The following LRMDA variants were observed in gnomAD, a reference collection of about 807,000 sequenced individuals.
LRMDA encodes leucine rich melanocyte differentiation associated.
In LRMDA, 18 loss-of-function variants were observed where a neutral mutation model predicts 29.8. That is an observed-to-expected ratio of 0.60 (90% CI 0.42 to 0.90). LRMDA has a LOEUF of 0.90. LRMDA is among the 40% of genes least tolerant of loss of function. LRMDA has a pLI of 0.00. For synonymous variants in LRMDA, 125 were observed against 109.4 expected (o/e 1.14, Z -0.89); for missense variants, 273 against 273.9 (o/e 1.00, Z 0.02).
intron 6 of LRMDA, among the ~76,000 whole-genome samples, chr10:76,389,023 A>G (rs1841692443): frequency 6.6e-6 from 1 of 152,182 alleles, no homozygotes; most frequent in Admixed American, 6.5e-5. Flanking sequence ...GACACAGGAC[A>G]GGGAGCAGGG....
rs566408440 is a variant in LRMDA at position 76,440,735 on chromosome 10, C to T, written c.601+116250C>T. ...GTACACGGTAAAGATGGATATTAGA[C>T]TGCTCAACTTATCATCATTAGTCCC... On this transcript the variant is annotated intron_variant, in intron 6 of 6. Transcript: ENST00000611255. Among the ~76,000 whole-genome samples, 38 of 152,246 alleles carry T rather than the reference C, an allele frequency of 2.5e-4. No individual in the cohort carries two copies. In the South Asian group the frequency reaches 7.7e-3, roughly 31 times the overall value.
chr10:76,138,856 G>A (rs894229314), intron 5 of LRMDA, among the ~76,000 whole-genome samples: 6 of 152,108 alleles, frequency 3.9e-5, no homozygotes, highest in African/African-American at 1.2e-4. Flanking sequence ...ATTTAGTGGC[G>A]AGGTGTTTAA....
intron 2 of LRMDA, among the ~76,000 whole-genome samples, chr10:75,672,824 A>C (rs998460600): frequency 1.3e-5 from 2 of 150,494 alleles, no homozygotes; most frequent in Non-Finnish European, 3.0e-5. Flanking sequence ...TGCCCACCTC[A>C]ATCTCTCAAA....
chr10:75,524,911 G>A (rs1845397220), intron 2 of LRMDA, among the ~76,000 whole-genome samples: 1 of 152,170 alleles, frequency 6.6e-6, no homozygotes. Flanking sequence ...TGAGTTTGGA[G>A]GTGCTTTAAA....
chr10:75,491,229 G>C (rs1844983241), intron 2 of LRMDA, among the ~76,000 whole-genome samples: 1 of 152,202 alleles, frequency 6.6e-6, no homozygotes, highest in Admixed American at 6.5e-5. Flanking sequence ...CCCACCAACT[G>C]TTTTAAGATG....
chr10:75,935,020 C>T (rs564167669), intron 2 of LRMDA, among the ~76,000 whole-genome samples: 1 of 152,194 alleles, frequency 6.6e-6, no homozygotes, highest in African/African-American at 2.4e-5. Context: ...TGCTCCTGGT[C>T]CCTGGTCCAG....
intron 3 of LRMDA, 57 bp downstream of exon 3, chr10:76,036,191 C>G: frequency 6.6e-7 from 1 of 1,505,412 alleles, no homozygotes; most frequent in Non-Finnish European, 9.0e-7. Context: ...AGTCGTCCCC[C>G]AACCCCACCC....
intron 2 of LRMDA, among the ~76,000 whole-genome samples, chr10:75,670,214 A>G: frequency 6.6e-6 from 1 of 152,348 alleles, no homozygotes; most frequent in East Asian, 1.9e-4. Flanking sequence ...AGGAAAACGA[A>G]ATCTCCTTCA....
chr10:76,492,560 G>A (rs1193877668), intron 6 of LRMDA, among the ~76,000 whole-genome samples: 1 of 152,026 alleles, frequency 6.6e-6, no homozygotes, highest in African/African-American at 2.4e-5. Context: ...TTCCCTCTGT[G>A]TGCTGAGCTG....
intron 6 of LRMDA, among the ~76,000 whole-genome samples, chr10:76,495,858 G>T (rs1214448833): frequency 4.7e-5 from 1 of 21,192 alleles, no homozygotes; most frequent in Admixed American, 4.9e-4. Flanking sequence ...TATTAATCTT[G>T]TGTCCTGACA....
chr10:75,461,122 T>C (rs1355211391), intron 2 of LRMDA, among the ~76,000 whole-genome samples: 1 of 152,178 alleles, frequency 6.6e-6, no homozygotes, highest in Non-Finnish European at 1.5e-5. Flanking sequence ...TAATAGAAAT[T>C]TTACGTGACA....
intron 6 of LRMDA, among the ~76,000 whole-genome samples, chr10:76,361,000 C>T (rs181422685): frequency 1.3e-5 from 2 of 152,104 alleles, no homozygotes; most frequent in Non-Finnish European, 2.9e-5. Context: ...GTGGCTTATG[C>T]CTGTAATCTG....
rs148079212 is a variant in LRMDA at position 75,579,480 on chromosome 10, C to T, written c.131+140986C>T. 6.4e-3 allele frequency among the ~76,000 whole-genome samples: 975 copies of T among 152,230 alleles called. 14 individuals carry two copies. The highest frequency in any genetic ancestry group is 0.022 in the African/African-American group (909 of 41,548). The stretch of plus-strand genomic sequence containing the variant: ...GGACCCGATGGATTCACAGCTGAAT[C>T]CTACCAGAGGCATAAAGAGGAGCTG... On this transcript the variant is annotated intron_variant, in intron 2 of 6. Coordinates refer to ENST00000611255, the MANE Select transcript of LRMDA (RefSeq NM_001305581.2).
At chr10:75,961,968 T>C (rs1230872261) in intron 2 of LRMDA, among the ~76,000 whole-genome samples, 1 of 152,166 alleles carries the variant, frequency 6.6e-6, no homozygotes, top group African/African-American at 2.4e-5. Flanking sequence ...CCCTGATCTC[T>C]GCCTCCATCT....
chr10:75,668,972 C>G (rs1379808157), intron 2 of LRMDA, among the ~76,000 whole-genome samples: 3 of 152,156 alleles, frequency 2.0e-5, no homozygotes, highest in African/African-American at 7.2e-5. Context: ...TAAGCTGTGG[C>G]TCAAGTTTGT....
intron 5 of LRMDA, among the ~76,000 whole-genome samples, chr10:76,310,725 TA>T (rs1840619839): frequency 6.6e-6 from 1 of 152,222 alleles, no homozygotes; most frequent in African/African-American, 2.4e-5. Context: ...TATTTTTGGT[TA>T]AAAGGGAGAC....
chr10:76,041,367 T>G (rs1848335546), intron 3 of LRMDA, among the ~76,000 whole-genome samples: 1 of 152,222 alleles, frequency 6.6e-6, no homozygotes, highest in Non-Finnish European at 1.5e-5. Flanking sequence ...TGCAGTTTCT[T>G]TAAGATCTGG....
At chr10:75,757,442 G>A (rs557564104) in intron 2 of LRMDA, among the ~76,000 whole-genome samples, 22 of 152,284 alleles carry the variant, frequency 1.4e-4, no homozygotes, top group African/African-American at 5.1e-4. Flanking sequence ...TATATGTCCA[G>A]GAGTTGAAGA....
At chr10:75,517,999 C>T (rs1845312584) in intron 2 of LRMDA, among the ~76,000 whole-genome samples, 1 of 152,230 alleles carries the variant, frequency 6.6e-6, no homozygotes, top group South Asian at 2.1e-4. Flanking sequence ...ATAGAAGTTA[C>T]GTTTATTGAT....
Sources: allele counts gnomAD v4.1 joint callset (sites outside exome capture counted in the v4.1 genomes callset), GRCh38; gene constraint gnomAD v4.1.1; transcripts MANE v1.5; gene names NCBI Gene and HGNC (gene_info 2026-07-23, HGNC 2026-07-21).